Variants in AGBL3 observed in about 807,000 individuals in gnomAD.
AGBL3 encodes AGBL carboxypeptidase 3.
AGBL3 carries 68 observed loss-of-function variants against 94.5 expected under a neutral mutation model. The ratio of observed to expected loss-of-function variants is 0.72; its 90% CI spans 0.59 to 0.88. The LOEUF is 0.88. AGBL3 is among the 40% of genes least tolerant of loss of function. The probability of loss-of-function intolerance (pLI) is 0.00; values close to 1 mark genes in which losing one functional copy is unlikely to be tolerated. For missense variants in AGBL3, 934 were observed against 1,103.8 expected, an observed-to-expected ratio of 0.85 and a Z score of 2.18; for synonymous variants, 354 against 370.7, an observed-to-expected ratio of 0.95 and a Z score of 0.52.
intron 15 of AGBL3, among the ~76,000 whole-genome samples, chr7:135,112,892 C>T (rs1825836574): frequency 6.6e-6 from 1 of 152,192 alleles, no homozygotes; most frequent in African/African-American, 2.4e-5. Context: ...ATTCCTCTGC[C>T]TCAGCCTCCT....
intron 13 of AGBL3, among the ~76,000 whole-genome samples, chr7:135,079,127 G>T (rs1820709273): frequency 1.3e-5 from 2 of 152,120 alleles, no homozygotes; most frequent in Non-Finnish European, 2.9e-5. Flanking sequence ...CTGTAGGATT[G>T]AATGTAACAG....
At chr7:135,035,334 T>C (rs1816197671) in intron 7 of AGBL3, among the ~76,000 whole-genome samples, 1 of 152,060 alleles carries the variant, frequency 6.6e-6, no homozygotes, top group Non-Finnish European at 1.5e-5. Flanking sequence ...AAATGTCAGT[T>C]AGTCTCTGAA....
chr7:135,105,359 T>G (rs1471858203), intron 15 of AGBL3, among the ~76,000 whole-genome samples: 1 of 152,094 alleles, frequency 6.6e-6, no homozygotes, highest in African/African-American at 2.4e-5. Context: ...CATAGGCCAC[T>G]GCGCCCAACC....
intron 16 of AGBL3, among the ~76,000 whole-genome samples, chr7:135,120,787 T>A (rs1827027873): frequency 1.3e-5 from 2 of 152,154 alleles, no homozygotes; most frequent in Non-Finnish European, 2.9e-5. Context: ...AAAGCAGAAG[T>A]GGCTATGTTA....
chr7:135,122,431 C>T (rs1827266246), intron 16 of AGBL3, among the ~76,000 whole-genome samples: 1 of 152,220 alleles, frequency 6.6e-6, no homozygotes, highest in South Asian at 2.1e-4. Context: ...ACAGTCTTTG[C>T]AGACCAGCAG....
At chr7:134,995,701 C>G (rs996515403) in intron 4 of AGBL3, among the ~76,000 whole-genome samples, 3 of 152,210 alleles carry the variant, frequency 2.0e-5, no homozygotes, top group African/African-American at 7.2e-5. Context: ...AAGGTGCAAC[C>G]TCTCTCAGCA....
At chr7:135,116,468 C>T (rs2117194389) in intron 16 of AGBL3, among the ~76,000 whole-genome samples, 1 of 152,294 alleles carries the variant, frequency 6.6e-6, no homozygotes, top group Admixed American at 6.5e-5. Context: ...TGCTACTGTG[C>T]AGTAGTAAAA....
chr7:135,033,549 C>T (rs1815992818), intron 6 of AGBL3, among the ~76,000 whole-genome samples: 1 of 152,114 alleles, frequency 6.6e-6, no homozygotes, highest in Admixed American at 6.5e-5. Context: ...TCACAACTAA[C>T]CAGATAATAT....
intron 4 of AGBL3, among the ~76,000 whole-genome samples, chr7:135,000,761 T>TAA (rs1811614968): frequency 6.6e-6 from 1 of 152,216 alleles, no homozygotes; most frequent in Admixed American, 6.5e-5. Context: ...CTGTATATCT[T>TAA]ACAGCTGCAT....
intron 5 of AGBL3, among the ~76,000 whole-genome samples, chr7:135,027,232 G>A (rs1475363161): frequency 1.3e-5 from 2 of 151,558 alleles, no homozygotes; most frequent in African/African-American, 4.8e-5. Flanking sequence ...TATTTTAGTA[G>A]AGATGGGGTT....
Position 135,118,989 on chromosome 7 carries a change from C to T in AGBL3, c.2342+3378C>T, listed in dbSNP as rs7789346. 7.1e-3 allele frequency among the ~76,000 whole-genome samples: 1,076 copies of T among 152,020 alleles called. 15 individuals are homozygous for T. Among genetic ancestry groups the T allele is most frequent in the African/African-American group, 0.025 (1,026 of 41,458 alleles). On this transcript the variant is annotated intron_variant, in intron 16 of 16. Coordinates refer to ENST00000436302, the MANE Select transcript of AGBL3 (RefSeq NM_178563.4). ...AACTGAACATAAGAGAAAAAATAGG[C>T]TTAAAATAAAATGAATAGAGCTGCA...
intron 15 of AGBL3, among the ~76,000 whole-genome samples, chr7:135,107,394 A>C (rs970773125): frequency 5.9e-5 from 9 of 152,214 alleles, no homozygotes; most frequent in Non-Finnish European, 1.2e-4. Flanking sequence ...GCTATGTCCC[A>C]GAGATTCTGG....
In AGBL3 at chr7:135,076,438, A is replaced by G. The variant is rs1342078509; in HGVS notation, c.1950A>G (p.Ile650Met). 6.5e-7 allele frequency: 1 copy of G among 1,549,566 alleles called. No homozygotes were observed. The highest frequency in any genetic ancestry group is 2.5e-5 in the East Asian group (1 of 40,806). The change falls in exon 13 of 17, where the codon ATA becomes ATG. Residue 650 changes from isoleucine (I) to methionine (M), a missense_variant. This residue lies in a region of AGBL3 where 441 missense variants were observed against 518.2 expected (regional missense o/e 0.85). Coordinates refer to ENST00000436302, the MANE Select transcript of AGBL3 (RefSeq NM_178563.4). ...LKTKKERNST[I>M]ASHQNARGQE... is the part of the protein sequence containing the mutation. ...CAAAGAAGGAAAGGAATTCTACCAT[A>G]GCAAGCCACCAAAATGCCAGAGGAC... is the stretch of plus-strand genomic sequence containing the variant.
intron 15 of AGBL3, among the ~76,000 whole-genome samples, chr7:135,096,727 A>AAG (rs1822884910): frequency 7.4e-6 from 1 of 135,092 alleles, no homozygotes; most frequent in Non-Finnish European, 1.6e-5. Context: ...AAAGAGAAGA[A>AAG]AGAAAGAGAA....
intron 4 of AGBL3, among the ~76,000 whole-genome samples, chr7:134,996,107 G>A (rs1810975202): frequency 1.3e-5 from 2 of 152,274 alleles, no homozygotes; most frequent in Non-Finnish European, 2.9e-5. Context: ...GCATTCTTCT[G>A]TGTGGCTTTT....
chr7:135,006,831 A>G (rs988676617), intron 4 of AGBL3, among the ~76,000 whole-genome samples: 4 of 151,958 alleles, frequency 2.6e-5, no homozygotes, highest in Non-Finnish European at 5.9e-5. Context: ...GTGATGATGT[A>G]TGTAACTGTC....
At chr7:135,084,423 A>G (rs2116872170) in intron 15 of AGBL3, among the ~76,000 whole-genome samples, 1 of 152,230 alleles carries the variant, frequency 6.6e-6, no homozygotes, top group Non-Finnish European at 1.5e-5. Flanking sequence ...AGTTCTATGG[A>G]ACACTAGTCC....
intron 8 of AGBL3, 80 bp downstream of exon 8, chr7:135,037,660 T>A: frequency 8.2e-7 from 1 of 1,222,112 alleles, no homozygotes; most frequent in Non-Finnish European, 1.1e-6. Flanking sequence ...ACGTGGATAA[T>A]ACTATTCCAA....
rs575537189 is a variant in AGBL3, at chr7:135,104,178, T to C, written c.2111-11202T>C. Among the ~76,000 whole-genome samples, 3 of 152,298 alleles carry C rather than the reference T, an allele frequency of 2.0e-5. No homozygotes were observed. The East Asian group carries it at 5.8e-4, about 29-fold the overall frequency. ...TGACAACATGTGATATTTGGTTTTC[T>C]GTTCCTGTGCTAGTTTGCTAAGGTT... On this transcript the variant is annotated intron_variant, in intron 15 of 16. Transcript: ENST00000436302.
Sources: gnomAD v4.1 joint callset for allele counts (sites outside exome capture counted in the v4.1 genomes callset) on GRCh38, gnomAD v4.1.1 for gene constraint, gnomAD v4.1.1 regional missense constraint, MANE v1.5 for transcripts, NCBI Gene and HGNC (gene_info 2026-07-23, HGNC 2026-07-21) for gene names.